KCNN1: variants seen among roughly 807,000 people sequenced by gnomAD.
KCNN1 encodes the protein small conductance calcium-activated potassium channel protein 1.
KCNN1 carries 20 observed loss-of-function variants against 44.7 expected under a neutral mutation model. The observed-to-expected ratio is 0.45, with a 90% CI of 0.32 to 0.65. The LOEUF (loss-of-function observed/expected upper bound fraction) is 0.65, where lower values mean the gene tolerates loss of function less well. Ranked by LOEUF, KCNN1 falls within the 30% of genes least tolerant of loss-of-function variation. KCNN1 has a pLI of 0.05. For missense variants in KCNN1, 632 were observed against 785.3 expected, an observed-to-expected ratio of 0.80 and a Z score of 2.33; for synonymous variants, 324 against 341.7, an observed-to-expected ratio of 0.95 and a Z score of 0.57.
At chr19:17,963,921 G>T (rs1600005325), upstream of KCNN1, among the ~76,000 whole-genome samples, 1 of 152,062 alleles carries the variant, frequency 6.6e-6, no homozygotes, top group East Asian at 1.9e-4. Flanking sequence ...TAGAGACAGG[G>T]TCTCGCTATG....
At chr19:17,962,181 C>T (rs2031697476), upstream of KCNN1, among the ~76,000 whole-genome samples, 1 of 152,158 alleles carries the variant, frequency 6.6e-6, no homozygotes, top group Non-Finnish European at 1.5e-5. Context: ...GGGACAGTCC[C>T]AGGGTGGGGC....
At chr19:17,981,636 GGCGCGGTGGGGCTGGGCAGGGA>G (rs1568454860) in intron 3 of KCNN1, 51 bp from the exon 4 acceptor site, 1 of 1,370,922 alleles carries the variant, frequency 7.3e-7, no homozygotes, top group Non-Finnish European at 9.9e-7. Context: ...ACTCTCTGGG[GGCGCGGTGGGGCTGGGCAGGGA>G]GCGCGGCGCG....
At chr19:17,991,354 G>A (rs2145970054) in intron 7 of KCNN1, among the ~76,000 whole-genome samples, 1 of 151,864 alleles carries the variant, frequency 6.6e-6, no homozygotes, top group East Asian at 1.9e-4. Context: ...AGGAGGTTGA[G>A]GTGGGAGGAT....
At chr19:17,967,704 G>A (rs1207206453) in intron 1 of KCNN1, among the ~76,000 whole-genome samples, 1 of 151,946 alleles carries the variant, frequency 6.6e-6, no homozygotes, top group Non-Finnish European at 1.5e-5. Flanking sequence ...AGGGGTTGGG[G>A]CACTCAGGGA....
intron 6 of KCNN1, 145 bp downstream of exon 6, chr19:17,988,670 G>A: frequency 1.5e-6 from 1 of 684,324 alleles, no homozygotes; most frequent in East Asian, 2.8e-5. Context: ...GCTGGCTTTG[G>A]GAGGCCAAGG....
In KCNN1 at chr19:17,983,251, T is replaced by C. The variant is rs1373282857; in HGVS notation, c.917+1124T>C. 2.0e-5 allele frequency among the ~76,000 whole-genome samples: 3 copies of C among 151,998 alleles called. No homozygotes were observed. Among genetic ancestry groups the C allele is most frequent in the African/African-American group, 4.8e-5 (2 of 41,396 alleles). The stretch of plus-strand genomic sequence containing the variant: ...CCAGGCCTGGGGTGTGAGGGTGCCT[T>C]ATCTGGGAGAGGGTCTCCCTGCCAT... On this transcript the variant is annotated intron_variant, in intron 4 of 9. Coordinates refer to ENST00000684775, the MANE Select transcript of KCNN1 (RefSeq NM_001386974.1). This position sits in a 1 kb window ranked among gnomAD's most constrained non-coding sequence, Gnocchi z 4.5.
chr19:17,981,164 C>T (rs999977004), intron 3 of KCNN1, among the ~76,000 whole-genome samples: 1 of 151,858 alleles, frequency 6.6e-6, no homozygotes, highest in Non-Finnish European at 1.5e-5. Flanking sequence ...TTGCCAAGAT[C>T]GTCTTCATGG....
rs34810089 is a variant in KCNN1 at position 17,980,228 on chromosome 19, A to ATTTTTTTTTTTTTTTTTTTTT, written c.499-1470_499-1450dup. On this transcript the variant is annotated intron_variant, in intron 3 of 9. Coordinates refer to ENST00000684775, the MANE Select transcript of KCNN1 (RefSeq NM_001386974.1). ...AGGCACCCGCCACCACACCTAGCTA[A>ATTTTTTTTTTTTTTTTTTTTT]TTTTTTTTTTTTTTTTTTTTTTTTT... 3.4e-4 allele frequency among the ~76,000 whole-genome samples: 15 copies of ATTTTTTTTTTTTTTTTTTTTT among 44,540 alleles called. 1 individual carries two copies. Among genetic ancestry groups the ATTTTTTTTTTTTTTTTTTTTT allele is most frequent in the Non-Finnish European group, 4.3e-4 (11 of 25,400 alleles). The allele number at this position is 44,540 out of a possible 152,430, so 29.2% of individuals were successfully genotyped here.
At chr19:17,965,635 G>A (rs2031783825), upstream of KCNN1, among the ~76,000 whole-genome samples, 1 of 152,126 alleles carries the variant, frequency 6.6e-6, no homozygotes, top group Non-Finnish European at 1.5e-5. Flanking sequence ...GTTCTCAGGT[G>A]TGGCTGAAAA....
At position 17,977,156 on chromosome 19, in the gene KCNN1, C is replaced by A. The variant is rs529841467; in HGVS notation, c.498+1969C>A. Among the ~76,000 whole-genome samples, 10 of 152,244 alleles carry A rather than the reference C, an allele frequency of 6.6e-5. No individual in the cohort carries two copies. In the South Asian group the frequency reaches 1.9e-3, roughly 28 times the overall value. On this transcript the variant is annotated intron_variant, in intron 3 of 9. Transcript: ENST00000684775. ...CCATGAGAGACAATCCGTCCCAGGC[C>A]TCTCTCCTAGCTTTTGGTTGCTGCT...
At chr19:17,972,100 G>A (rs569111999) in intron 1 of KCNN1, 1 of 152,324 alleles carries the variant, frequency 6.6e-6, no homozygotes, top group East Asian at 1.9e-4. Flanking sequence ...TGGGGGTGGT[G>A]GCGCATACCT....
rs183326285 is a variant in KCNN1 at position 17,992,525 on chromosome 19, G to A, written c.1299-529G>A. Among the ~76,000 whole-genome samples, 75 of 152,288 alleles carry A rather than the reference G, an allele frequency of 4.9e-4. 1 individual carries two copies. The East Asian group carries it at 0.013, about 26-fold the overall frequency. On this transcript the variant is annotated intron_variant, in intron 7 of 9. Transcript: ENST00000684775. Reference sequence around the variant, plus strand: ...CTGAGCCAGGAGAATCGCTTGAACCGGGGAAGTGGAGGTTGCAGTGAGCTG... The same window carrying A: ...CTGAGCCAGGAGAATCGCTTGAACCAGGGAAGTGGAGGTTGCAGTGAGCTG...
At chr19:17,984,123 A>C (rs2032516032) in intron 4 of KCNN1, among the ~76,000 whole-genome samples, 1 of 151,658 alleles carries the variant, frequency 6.6e-6, no homozygotes, top group African/African-American at 2.4e-5. Flanking sequence ...AGATCATGCC[A>C]CTACACTCCA....
intron 1 of KCNN1, among the ~76,000 whole-genome samples, chr19:17,968,426 G>A (rs116500852): frequency 0.012 from 1,875 of 151,896 alleles, 38 homozygotes; most frequent in African/African-American, 0.043. Context: ...GTGGGGGGGT[G>A]GGGGGGAGGC....
At chr19:17,978,371 C>T (rs928848406) in intron 3 of KCNN1, among the ~76,000 whole-genome samples, 7 of 150,032 alleles carry the variant, frequency 4.7e-5, no homozygotes, top group Admixed American at 4.0e-4. Context: ...GTGTTCCACC[C>T]GCCTCGGCCT....
chr19:17,997,746 C>T (rs1189970653), intron 9 of KCNN1, among the ~76,000 whole-genome samples: 1 of 152,096 alleles, frequency 6.6e-6, no homozygotes, highest in Non-Finnish European at 1.5e-5. Context: ...TCCCAAAGTG[C>T]TGGGATTACA....
chr19:17,964,626 G>A (rs533434595), upstream of KCNN1, among the ~76,000 whole-genome samples: 22 of 152,290 alleles, frequency 1.4e-4, no homozygotes, highest in South Asian at 6.2e-4. This position sits in a 1 kb window ranked among gnomAD's most constrained non-coding sequence, Gnocchi z 4.3. Context: ...TGCCTGGAAC[G>A]GAGACCCAGA....
intron 9 of KCNN1, among the ~76,000 whole-genome samples, chr19:17,996,606 CA>C (rs933376493): frequency 1.3e-5 from 2 of 152,120 alleles, no homozygotes; most frequent in African/African-American, 4.8e-5. Context: ...GACTTCGTCT[CA>C]AAAATAAAAA....
At chr19:17,980,492 T>A (rs992613389) in intron 3 of KCNN1, among the ~76,000 whole-genome samples, 8 of 152,114 alleles carry the variant, frequency 5.3e-5, no homozygotes, top group Non-Finnish European at 1.2e-4. Context: ...GTGGGATTGC[T>A]GGGTCATTAG....
Sources: allele counts gnomAD v4.1 joint callset (sites outside exome capture counted in the v4.1 genomes callset), GRCh38; gene constraint gnomAD v4.1.1; non-coding constraint Gnocchi (gnomAD v3.1); transcripts MANE v1.5; gene names NCBI Gene and HGNC (gene_info 2026-07-23, HGNC 2026-07-21).